TMEM208: variants seen among roughly 807,000 people sequenced by gnomAD.
TMEM208 encodes SRP-independent targeting 2 homolog.
In TMEM208, 19 loss-of-function variants were observed where a neutral mutation model predicts 26.4. The ratio of observed to expected loss-of-function variants is 0.72; its 90% CI spans 0.50 to 1.06. The LOEUF (loss-of-function observed/expected upper bound fraction) is 1.06. Ranked by LOEUF, TMEM208 falls within the 50% of genes least tolerant of loss-of-function variation. The pLI is 0.00. For missense variants in TMEM208, 183 were observed against 219.8 expected (o/e 0.83, Z 1.06); for synonymous variants, 93 against 83.1 (o/e 1.12, Z -0.65).
chr16:67,228,310 T>C, intron 2 of TMEM208, 45 bp from the exon 3 acceptor site: 1 of 1,605,308 alleles, frequency 6.2e-7, no homozygotes, highest in Non-Finnish European at 8.5e-7. Flanking sequence ...ACCCATGGTT[T>C]GGAGGTAACT....
Position 67,227,186 on chromosome 16 carries a change from C to A in TMEM208, c.-33C>A, listed in dbSNP as rs770412103. On this transcript the variant is annotated 5_prime_UTR_variant, in exon 1 of 6. Coordinates refer to ENST00000304800, the MANE Select transcript of TMEM208 (RefSeq NM_014187.4). ...GTGATTGCGGTTTCGGTCGCTCTCC[C>A]GTGTTTCCCGGGCTGGGTATTTGCC... The A allele has an allele frequency of 5.6e-6, 9 of 1,610,750 alleles. 1 individual carries two copies. The Middle Eastern group carries it at 6.6e-4, about 118-fold the overall frequency.
chr16:67,228,569 C>G lies in TMEM208; in HGVS notation c.237C>G (p.Phe79Leu). 1 of 1,608,054 alleles carries G rather than the reference C, an allele frequency of 6.2e-7. No individual in the cohort carries two copies. Among genetic ancestry groups the G allele is most frequent in the Non-Finnish European group, 8.5e-7 (1 of 1,176,074 alleles). ...HSMSSMARAAFSEDGALMDGG... is the reference protein window; with the variant it reads ...HSMSSMARAALSEDGALMDGG... ...TGAGCTCGATGGCACGAGCAGCGTT[C>G]TCTGAGGATGGGGCCCTGATGGATG... Residue 79 changes from phenylalanine (F) to leucine (L), a missense_variant, in exon 4 of 6, where the codon TTC (phenylalanine) becomes TTG (leucine). Phe to Leu is a conservative substitution (Grantham distance 22). Transcript: ENST00000304800.
chr16:67,228,972 G>C lies in TMEM208; in HGVS notation c.385-4G>C. ...CTTGCTTCAAGTTACCGTTTCTCTTGTAGGCTCCAGGCCGGGCCCTTTACC... is the reference window on the plus strand; with the variant it reads ...CTTGCTTCAAGTTACCGTTTCTCTTCTAGGCTCCAGGCCGGGCCCTTTACC... On this transcript the variant is annotated splice_polypyrimidine_tract_variant and splice_region_variant and intron_variant, in intron 5 of 5. Transcript: ENST00000304800. 3 of 1,609,480 alleles carry C rather than the reference G, an allele frequency of 1.9e-6. No homozygotes were observed. Among genetic ancestry groups the C allele is most frequent in the East Asian group, 4.5e-5 (2 of 44,820 alleles).
At position 67,227,153 on chromosome 16, in the gene TMEM208, G is replaced by A. The variant is rs1385179921; in HGVS notation, c.-66G>A. On this transcript the variant is annotated 5_prime_UTR_variant, in exon 1 of 6. An upstream open reading frame in the 5' UTR gains an earlier in-frame stop. Coordinates refer to ENST00000304800, the MANE Select transcript of TMEM208 (RefSeq NM_014187.4). Reference sequence around the variant, plus strand: ...CCGGAAGTGCATGAGCTGCCGATGTGGTGCTTAGTGATTGCGGTTTCGGTC... The same window carrying A: ...CCGGAAGTGCATGAGCTGCCGATGTAGTGCTTAGTGATTGCGGTTTCGGTC... 1 of 1,603,786 alleles carries A rather than the reference G, an allele frequency of 6.2e-7. No homozygotes were observed. The highest frequency in any genetic ancestry group is 8.5e-7 in the Non-Finnish European group (1 of 1,173,180).
chr16:67,228,733 G>A lies in TMEM208; in HGVS notation c.300-64G>A, dbSNP rs966376552. 16 of 1,565,138 alleles carry A rather than the reference G, an allele frequency of 1.0e-5. No homozygotes were observed. In the East Asian group the frequency reaches 3.6e-4, roughly 35 times the overall value. On this transcript the variant is annotated intron_variant, in intron 4 of 5. Coordinates refer to ENST00000304800, the MANE Select transcript of TMEM208 (RefSeq NM_014187.4). ...TGTAACTTGAAAAGGGTGGAAGGGA[G>A]TTGCAACTTGAAAAGGGTGGAAGGG...
rs777217466 is a variant in TMEM208, at chr16:67,228,646, C to A, written c.299+15C>A. ...GGCATGGCAGAGTGAGTGTCCCCCA[C>A]CGCCAGCCCAGGTGAGCGGCCCCAG... On this transcript the variant is annotated intron_variant, in intron 4 of 5. Transcript: ENST00000304800. The A allele has an allele frequency of 2.3e-5, 36 of 1,550,070 alleles. No individual in the cohort carries two copies. Among genetic ancestry groups the A allele is most frequent in the Non-Finnish European group, 3.1e-5 (35 of 1,146,966 alleles).
At chr16:67,228,907 G>A (rs765049889) in intron 5 of TMEM208, 26 bp downstream of exon 5, 4 of 1,613,096 alleles carry the variant, frequency 2.5e-6, no homozygotes, top group East Asian at 2.2e-5. Context: ...GCGCTCCCAA[G>A]AAGGGGCATC....
chr16:67,227,738 C>G lies in TMEM208; in HGVS notation c.7-98C>G, dbSNP rs879040506. 7 of 947,610 alleles carry G rather than the reference C, an allele frequency of 7.4e-6. No individual in the cohort carries two copies. In the South Asian group the frequency reaches 1.1e-4, roughly 15 times the overall value. 58.7% of individuals were successfully genotyped at this position (947,610 alleles called of 1,614,324 possible). A position where few individuals can be genotyped will look rare whatever the true frequency, so the allele number is the denominator to read the frequency against. On this transcript the variant is annotated intron_variant, in intron 1 of 5. Transcript: ENST00000304800. The stretch of plus-strand genomic sequence containing the variant: ...TGCTAGGTTTCTGCACTACGGGGAC[C>G]TGGCTGAGTTGCGGATGGAGCTCTA...
chr16:67,228,709 G>C (rs1018752914), intron 4 of TMEM208, 78 bp downstream of exon 4: 2 of 1,548,814 alleles, frequency 1.3e-6, no homozygotes, highest in Non-Finnish European at 1.7e-6. Flanking sequence ...ACAGCTACTT[G>C]TAACTTGAAA....
Position 67,227,193 on chromosome 16 carries a change from C to T in TMEM208, c.-26C>T, listed in dbSNP as rs778674553. On this transcript the variant is annotated 5_prime_UTR_variant, in exon 1 of 6. Transcript: ENST00000304800. ...CGGTTTCGGTCGCTCTCCCGTGTTT[C>T]CCGGGCTGGGTATTTGCCTCGCACC... The T allele has an allele frequency of 2.0e-5, 33 of 1,611,218 alleles. No individual in the cohort carries two copies. The highest frequency in any genetic ancestry group is 2.5e-5 in the Non-Finnish European group (30 of 1,178,264).
At chr16:67,227,302 A>G (rs1421017154) in intron 1 of TMEM208, 78 bp downstream of exon 1, 11 of 1,562,612 alleles carry the variant, frequency 7.0e-6, no homozygotes, top group Non-Finnish European at 9.6e-6. Flanking sequence ...GAGAAAGAAC[A>G]TTAAGGGATA....
chr16:67,228,156 C>A, intron 2 of TMEM208, 199 bp from the exon 3 acceptor site: 1 of 676,050 alleles, frequency 1.5e-6, no homozygotes, highest in Middle Eastern at 4.0e-4. Context: ...TCCAAGTACA[C>A]AAAGGCTTCT....
chr16:67,227,913 G>A lies in TMEM208; in HGVS notation c.84G>A (p.Arg28=). ...GAGAGACTCTGAAGTTCTACCTGCG[G>A]ATCATACTGGGGGCCAATGTAAGTG... ...ENRETLKFYL[R]IILGANAIYC... is the part of the protein sequence containing the mutation. Residue 28 remains arginine (R), a synonymous_variant, in exon 2 of 6, where the codon CGG becomes CGA. Transcript: ENST00000304800. The A allele has an allele frequency of 6.2e-7, 1 of 1,610,112 alleles. No homozygotes were observed. The highest frequency in any genetic ancestry group is 2.2e-5 in the East Asian group (1 of 44,806).
At position 67,228,855 on chromosome 16, in the gene TMEM208, C is replaced by A; in HGVS notation, c.358C>A (p.Leu120Ile). 1 of 1,614,014 alleles carries A rather than the reference C, an allele frequency of 6.2e-7. No homozygotes were observed. Among genetic ancestry groups the A allele is most frequent in the South Asian group, 1.1e-5 (1 of 91,086 alleles). ...CGTGCAGGTGCTCAGCTGCTTCTCT[C>A]TCTATGTCTGGTCCTTCTGGCTTCT... ...AIVQVLSCFS[L>I]YVWSFWLLAP... Residue 120 changes from leucine (L) to isoleucine (I), a missense_variant, in exon 5 of 6, where the codon CTC becomes ATC. By Grantham distance (5) the Leu-to-Ile change is conservative. Transcript: ENST00000304800.
At chr16:67,228,189 AGAG>A in intron 2 of TMEM208, 163 bp from the exon 3 acceptor site, 1 of 774,224 alleles carries the variant, frequency 1.3e-6, no homozygotes, top group East Asian at 2.6e-5. Context: ...GTTGGGTGTC[AGAG>A]GAGAGTGGGT....
rs758293343 is a variant in TMEM208 at position 67,228,815 on chromosome 16, C to T, written c.318C>T (p.Ile106=). 4.3e-6 allele frequency: 7 copies of T among 1,613,710 alleles called. No homozygotes were observed. In the Admixed American group the frequency reaches 1.2e-4, roughly 27 times the overall value. The change falls in exon 5 of 6, where the codon ATC becomes ATT. Residue 106 remains isoleucine, a synonymous_variant. Transcript: ENST00000304800. ...QGMAEHLKDV[I]LLTAIVQVLS... ...TCCACAGGCACCTTAAGGATGTGAT[C>T]CTACTGACAGCCATCGTGCAGGTGC...
intron 2 of TMEM208, 108 bp from the exon 3 acceptor site, chr16:67,228,233 TCAACCCTGTAAGAA>T: frequency 8.7e-7 from 1 of 1,146,178 alleles, no homozygotes; most frequent in African/African-American, 1.5e-5. Context: ...GGCCCTTTCT[TCAACCCTGTAAGAA>T]CAACCTTGCT....
In TMEM208 at chr16:67,227,216, A is replaced by G. The variant is rs1228259551; in HGVS notation, c.-3A>G. On this transcript the variant is annotated 5_prime_UTR_variant, in exon 1 of 6. Coordinates refer to ENST00000304800, the MANE Select transcript of TMEM208 (RefSeq NM_014187.4). ...TTCCCGGGCTGGGTATTTGCCTCGCACCATGGCGGTAAGGAGGATGGATAG... is the reference window on the plus strand; with the variant it reads ...TTCCCGGGCTGGGTATTTGCCTCGCGCCATGGCGGTAAGGAGGATGGATAG... The G allele has an allele frequency of 6.2e-7, 1 of 1,612,176 alleles. No individual in the cohort carries two copies. Among genetic ancestry groups the G allele is most frequent in the Admixed American group, 1.7e-5 (1 of 59,792 alleles).
chr16:67,227,802 G>A (rs752411285), intron 1 of TMEM208, 34 bp from the exon 2 acceptor site: 2 of 1,533,248 alleles, frequency 1.3e-6, no homozygotes, highest in South Asian at 2.4e-5. Flanking sequence ...GGAGGACCGT[G>A]GCCTCCTGAC....
Sources: allele counts gnomAD v4.1 joint callset, GRCh38; gene constraint gnomAD v4.1.1; transcripts MANE v1.5; gene names NCBI Gene and HGNC (gene_info 2026-07-23, HGNC 2026-07-21).